The following SLC35F3 variants were observed in gnomAD, a reference collection of about 807,000 sequenced individuals.
SLC35F3 encodes the protein solute carrier family 35 member F3, also known as putative thiamine transporter SLC35F3.
In SLC35F3, 25 loss-of-function variants were observed where a neutral mutation model predicts 49.9. The ratio of observed to expected loss-of-function variants is 0.50; its 90% CI spans 0.37 to 0.70. The LOEUF (loss-of-function observed/expected upper bound fraction) is 0.70, where lower values mean the gene tolerates loss of function less well. Among genes scored for constraint, SLC35F3 ranks in the 30% least tolerant of loss-of-function variants. SLC35F3 has a pLI of 0.00. For missense variants in SLC35F3, 525 were observed against 639.8 expected (o/e 0.82, Z 1.94); for synonymous variants, 275 against 265.4 (o/e 1.04, Z -0.35).
chr1:234,128,788 T>C (rs1277300193), intron 2 of SLC35F3, among the ~76,000 whole-genome samples: 2 of 152,192 alleles, frequency 1.3e-5, no homozygotes, highest in African/African-American at 4.8e-5. Context: ...TTGCTTAAAT[T>C]TTAAATGTCT....
At position 234,009,904 on chromosome 1, in the gene SLC35F3, G is replaced by C. The variant is rs138029793; in HGVS notation, c.283+104146G>C. 2.2e-3 allele frequency among the ~76,000 whole-genome samples: 335 copies of C among 152,244 alleles called. 1 individual carries two copies. Among genetic ancestry groups the C allele is most frequent in the Middle Eastern group, 6.8e-3 (2 of 294 alleles). ...CAAGAATACTTTACCTGACAAAACT[G>C]TCCTTCCCCAGACAAACAAAAGCCA... On this transcript the variant is annotated intron_variant, in intron 2 of 7. Transcript: ENST00000366618.
At chr1:233,929,242 G>T (rs777838842) in intron 2 of SLC35F3, among the ~76,000 whole-genome samples, 1 of 152,160 alleles carries the variant, frequency 6.6e-6, no homozygotes, top group Non-Finnish European at 1.5e-5. Context: ...AATTCCGTTG[G>T]TGTCATAGAC....
At chr1:233,979,899 G>A (rs547329023) in intron 2 of SLC35F3, among the ~76,000 whole-genome samples, 3 of 152,300 alleles carry the variant, frequency 2.0e-5, no homozygotes, top group South Asian at 2.1e-4. Context: ...CATAAGTCTT[G>A]TCACCATCAA....
chr1:233,917,886 G>T lies in SLC35F3; in HGVS notation c.283+12128G>T, dbSNP rs548919820. Among the ~76,000 whole-genome samples the T allele has an allele frequency of 2.0e-5, 3 of 152,350 alleles. No individual in the cohort carries two copies. In the South Asian group the frequency reaches 6.2e-4, roughly 32 times the overall value. On this transcript the variant is annotated intron_variant, in intron 2 of 7. Transcript: ENST00000366618. ...AAAACCAAAATACCCTGGTGAATGTGACTGTTACTTTACATAATGTCGACA... is the reference window on the plus strand; with the variant it reads ...AAAACCAAAATACCCTGGTGAATGTTACTGTTACTTTACATAATGTCGACA...
chr1:233,927,787 A>C (rs1447684813), intron 2 of SLC35F3, among the ~76,000 whole-genome samples: 1 of 152,150 alleles, frequency 6.6e-6, no homozygotes, highest in Non-Finnish European at 1.5e-5. Context: ...GAATGGTATA[A>C]AATTGCTTGT....
chr1:234,133,705 G>A (rs559452890), intron 2 of SLC35F3, among the ~76,000 whole-genome samples: 3 of 152,230 alleles, frequency 2.0e-5, no homozygotes, highest in Non-Finnish European at 2.9e-5. Context: ...AAGGTACCAA[G>A]TTAGAAATAA....
chr1:233,992,700 C>G (rs897922755), intron 2 of SLC35F3, among the ~76,000 whole-genome samples: 2 of 152,208 alleles, frequency 1.3e-5, no homozygotes, highest in African/African-American at 2.4e-5. Context: ...GACAAACACA[C>G]TATATCCAAA....
rs79433294 is a variant in SLC35F3, at chr1:234,048,175, A to G, written c.283+142417A>G. On this transcript the variant is annotated intron_variant, in intron 2 of 7. Transcript: ENST00000366618. Reference sequence around the variant, plus strand: ...GTGTTGAAAGAGCAGCTTAGTTTCTACTTAGTGTTTACAGTAAAATGTGAG... The same window carrying G: ...GTGTTGAAAGAGCAGCTTAGTTTCTGCTTAGTGTTTACAGTAAAATGTGAG... Among the ~76,000 whole-genome samples, 1,058 of 152,270 alleles carry G rather than the reference A, an allele frequency of 6.9e-3. 13 individuals are homozygous for G. The highest frequency in any genetic ancestry group is 0.024 in the African/African-American group (1,001 of 41,560).
intron 2 of SLC35F3, among the ~76,000 whole-genome samples, chr1:233,977,315 A>G (rs1270720080): frequency 2.0e-5 from 3 of 152,212 alleles, no homozygotes; most frequent in Non-Finnish European, 2.9e-5. Flanking sequence ...ATCCACCTCC[A>G]TATGCTTATG....
chr1:234,107,166 G>A (rs919802520), intron 2 of SLC35F3, among the ~76,000 whole-genome samples: 18 of 152,284 alleles, frequency 1.2e-4, no homozygotes, highest in Admixed American at 1.1e-3. Context: ...TAGGCTTCAG[G>A]TGGTGCCACT....
At chr1:234,005,122 A>G (rs985536061) in intron 2 of SLC35F3, among the ~76,000 whole-genome samples, 1 of 152,292 alleles carries the variant, frequency 6.6e-6, no homozygotes, top group Non-Finnish European at 1.5e-5. Context: ...GATTCCTTCA[A>G]GCCTGGATTG....
At chr1:234,258,408 G>A (rs1460118932) in intron 3 of SLC35F3, among the ~76,000 whole-genome samples, 1 of 152,166 alleles carries the variant, frequency 6.6e-6, no homozygotes, top group African/African-American at 2.4e-5. Context: ...TATTACCTGT[G>A]GGAGCAATTA....
intron 2 of SLC35F3, among the ~76,000 whole-genome samples, chr1:234,065,152 CTT>C (rs200485956): frequency 2.1e-5 from 3 of 146,162 alleles, no homozygotes; most frequent in Admixed American, 6.8e-5. Flanking sequence ...TGATCAAACA[CTT>C]TTTTTTTTTT....
chr1:234,313,589 C>T (rs1408788311), intron 4 of SLC35F3, among the ~76,000 whole-genome samples: 4 of 152,054 alleles, frequency 2.6e-5, no homozygotes, highest in Non-Finnish European at 5.9e-5. Flanking sequence ...AGGATTGTTC[C>T]GTGGGGAGCA....
chr1:234,151,989 C>CT (rs5781777), intron 2 of SLC35F3, among the ~76,000 whole-genome samples: 27,985 of 150,322 alleles, frequency 0.19, 4,079 homozygotes, highest in East Asian at 0.76. Flanking sequence ...CCTTCTCTCC[C>CT]TTTTTTTTTA....
intron 3 of SLC35F3, among the ~76,000 whole-genome samples, chr1:234,266,876 T>G (rs895458172): frequency 0.022 from 3,161 of 146,424 alleles, 89 homozygotes; most frequent in African/African-American, 0.071. Flanking sequence ...GCACATGGTT[T>G]TTTTTTTTTT....
At chr1:234,308,401 G>T (rs567236020) in intron 3 of SLC35F3, among the ~76,000 whole-genome samples, 1 of 152,208 alleles carries the variant, frequency 6.6e-6, no homozygotes, top group Non-Finnish European at 1.5e-5. Context: ...GGCTGGCTTT[G>T]AATGAGGCCC....
rs981302336 is a variant in SLC35F3 at position 234,320,400 on chromosome 1, A to C, written c.1237+213A>C. Among the ~76,000 whole-genome samples, 4 of 146,544 alleles carry C rather than the reference A, an allele frequency of 2.7e-5. No homozygotes were observed. Among genetic ancestry groups the C allele is most frequent in the African/African-American group, 4.9e-5 (2 of 40,736 alleles). ...TAGAATGCGTGTTTAACTGTCTGCCAAAAAAAAAGCATTTAGGTGAAATGT... is the reference window on the plus strand; with the variant it reads ...TAGAATGCGTGTTTAACTGTCTGCCCAAAAAAAAGCATTTAGGTGAAATGT... On this transcript the variant is annotated intron_variant, in intron 7 of 7. Coordinates refer to ENST00000366618, the MANE Select transcript of SLC35F3 (RefSeq NM_173508.4). The surrounding 1 kb of genome is among the most constrained non-coding windows in gnomAD (Gnocchi z 4.8).
At chr1:234,120,029 G>C (rs1025751798) in intron 2 of SLC35F3, among the ~76,000 whole-genome samples, 11 of 152,156 alleles carry the variant, frequency 7.2e-5, no homozygotes, top group Non-Finnish European at 1.6e-4. Context: ...TGCATGGGGA[G>C]CTGGAGGTGC....
Sources: gnomAD v4.1 joint callset for allele counts (sites outside exome capture counted in the v4.1 genomes callset) on GRCh38, gnomAD v4.1.1 for gene constraint, Gnocchi (gnomAD v3.1) non-coding constraint, MANE v1.5 for transcripts, NCBI Gene and HGNC (gene_info 2026-07-23, HGNC 2026-07-21) for gene names.